Variants in KLF8 observed in about 807,000 individuals in gnomAD.
The protein encoded by KLF8 is KLF transcription factor 8, also known as Krueppel-like factor 8.
KLF8 carries 10 observed loss-of-function variants against 18.2 expected under a neutral mutation model. The observed-to-expected ratio is 0.55, with a 90% CI of 0.34 to 0.93. The LOEUF is 0.93. KLF8 is among the 40% of genes least tolerant of loss of function. The pLI, the probability that KLF8 is intolerant of heterozygous loss-of-function variation, is 0.02. For synonymous variants in KLF8, 109 were observed against 97.3 expected (o/e 1.12, Z -0.71); for missense variants, 264 against 277.9 (o/e 0.95, Z 0.36).
the KLF8 span, among the ~76,000 whole-genome samples, chrX:56,048,460 G>A: frequency 8.9e-5 from 10 of 111,758 alleles, no homozygotes; most frequent in African/African-American, 2.9e-4. Flanking sequence ...TGTAAGGAAG[G>A]GATCCAGTTT....
chrX:56,192,060 T>C, the KLF8 span, among the ~76,000 whole-genome samples: 1 of 111,699 alleles, frequency 9.0e-6, no homozygotes, highest in African/African-American at 3.2e-5. Context: ...ATGATATGAT[T>C]TTATATTTGG....
At chrX:56,068,758 G>T in the KLF8 span, among the ~76,000 whole-genome samples, 1 of 111,301 alleles carries the variant, frequency 9.0e-6, no homozygotes, top group Non-Finnish European at 1.9e-5. Flanking sequence ...CAGCACAGCA[G>T]CCCCGCTTCT....
At chrX:56,158,459 G>T in the KLF8 span, among the ~76,000 whole-genome samples, 1 of 111,831 alleles carries the variant, frequency 8.9e-6, no homozygotes, top group Admixed American at 9.5e-5. Flanking sequence ...GGATGGCATT[G>T]AATCTATAAA....
chrX:56,219,273 A>C, the KLF8 span, among the ~76,000 whole-genome samples: 2 of 112,031 alleles, frequency 1.8e-5, no homozygotes, highest in Non-Finnish European at 3.8e-5. Flanking sequence ...GTGATTTTTC[A>C]GGACCCATCT....
chrX:56,060,741 A>G, the KLF8 span, among the ~76,000 whole-genome samples: 1 of 111,140 alleles, frequency 9.0e-6, no homozygotes, highest in African/African-American at 3.3e-5. Flanking sequence ...CTGTTTTTCT[A>G]TTGTTTGGAA....
chrX:56,148,061 T>C, the KLF8 span, among the ~76,000 whole-genome samples: 2 of 112,245 alleles, frequency 1.8e-5, no homozygotes, highest in East Asian at 5.6e-4. Context: ...CACTTTTAAG[T>C]AGTTATTTTT....
At chrX:56,075,460 C>T in the KLF8 span, among the ~76,000 whole-genome samples, 1 of 110,855 alleles carries the variant, frequency 9.0e-6, no homozygotes, top group African/African-American at 3.3e-5. Context: ...GTGTAATAAT[C>T]GCATCATGGA....
At chrX:56,132,110 A>T in the KLF8 span, among the ~76,000 whole-genome samples, 2 of 111,899 alleles carry the variant, frequency 1.8e-5, no homozygotes, top group African/African-American at 6.5e-5. Context: ...GAAACAATGG[A>T]TTTAAACTAT....
chrX:56,237,127 C>T (rs1466725774), intron 1 of KLF8, among the ~76,000 whole-genome samples: 1 of 89,209 alleles, frequency 1.1e-5, no homozygotes, highest in Non-Finnish European at 2.2e-5. Flanking sequence ...TGAATTGTGA[C>T]CCCCCCATCC....
the KLF8 span, among the ~76,000 whole-genome samples, chrX:56,130,955 A>G: frequency 6.3e-5 from 7 of 111,686 alleles, no homozygotes; most frequent in Admixed American, 1.9e-4. Context: ...AGCAAAGACA[A>G]AGAGAAAAGA....
the KLF8 span, among the ~76,000 whole-genome samples, chrX:56,101,166 T>C: frequency 8.9e-6 from 1 of 111,831 alleles, no homozygotes; most frequent in Non-Finnish European, 1.9e-5. Context: ...GTTCCCATCT[T>C]TATGTGCATG....
At chrX:56,186,178 A>C in the KLF8 span, among the ~76,000 whole-genome samples, 1 of 111,828 alleles carries the variant, frequency 8.9e-6, no homozygotes, top group African/African-American at 3.3e-5. Flanking sequence ...AGGATGGAGG[A>C]AGATCTACCA....
the KLF8 span, among the ~76,000 whole-genome samples, chrX:56,197,823 G>A: frequency 9.8e-5 from 11 of 111,740 alleles, no homozygotes; most frequent in Admixed American, 7.6e-4. Context: ...GATGAACATC[G>A]ATGCAAAAAT....
At chrX:56,201,429 A>G in the KLF8 span, among the ~76,000 whole-genome samples, 3 of 111,451 alleles carry the variant, frequency 2.7e-5, no homozygotes, top group African/African-American at 6.5e-5. Flanking sequence ...ACACACAAAA[A>G]CATGGTAGTT....
At chrX:56,097,686 G>A in the KLF8 span, among the ~76,000 whole-genome samples, 2 of 65,838 alleles carry the variant, frequency 3.0e-5, no homozygotes, top group African/African-American at 1.3e-4. Flanking sequence ...CCCCACAACA[G>A]TCCCCAGAGT....
chrX:56,248,306 G>GAA (rs58287631), intron 1 of KLF8, among the ~76,000 whole-genome samples: 20 of 106,323 alleles, frequency 1.9e-4, no homozygotes, highest in African/African-American at 6.6e-4. Context: ...CTTAAAGTAT[G>GAA]AAAAAAAAAA....
the KLF8 span, among the ~76,000 whole-genome samples, chrX:56,036,671 T>C: frequency 2.0e-4 from 22 of 112,118 alleles, no homozygotes; most frequent in Non-Finnish European, 3.8e-5. Context: ...GAGTCTTTTG[T>C]AGTTCCATAC....
the KLF8 span, among the ~76,000 whole-genome samples, chrX:56,023,141 G>T: frequency 9.0e-6 from 1 of 111,069 alleles, no homozygotes. Context: ...ATTTATAGGG[G>T]CAAAGTTTTG....
chrX:56,177,074 G>T, the KLF8 span, among the ~76,000 whole-genome samples: 2 of 111,016 alleles, frequency 1.8e-5, no homozygotes, highest in African/African-American at 6.6e-5. Context: ...GGAGTAGTTT[G>T]ATCGTCTGAA....
Sources: gnomAD v4.1 joint callset for allele counts (sites outside exome capture counted in the v4.1 genomes callset) on GRCh38, gnomAD v4.1.1 for gene constraint, MANE v1.5 for transcripts, NCBI Gene and HGNC (gene_info 2026-07-23, HGNC 2026-07-21) for gene names.